The following TMED5 variants were observed in gnomAD, a reference collection of about 807,000 sequenced individuals.
TMED5 encodes the protein transmembrane emp24 domain-containing protein 5.
TMED5 carries 27 observed loss-of-function variants against 23.0 expected under a neutral mutation model. That is an observed-to-expected ratio of 1.17 (90% CI 0.86 to 1.62). The LOEUF (loss-of-function observed/expected upper bound fraction) is 1.62. TMED5 is among the 40% of genes most tolerant of loss of function. The pLI, the probability that TMED5 is intolerant of heterozygous loss-of-function variation, is 0.00. For missense variants in TMED5, 248 were observed against 273.7 expected (o/e 0.91, Z 0.66); for synonymous variants, 97 against 100.8 (o/e 0.96, Z 0.23).
At chr1:93,155,095 C>T (rs2101122933) in intron 3 of TMED5, among the ~76,000 whole-genome samples, 1 of 152,108 alleles carries the variant, frequency 6.6e-6, no homozygotes, top group Admixed American at 6.5e-5. Context: ...GGTATGGTAG[C>T]ACCAAGTGTG....
At chr1:93,169,390 A>C (rs1197994046) in intron 1 of TMED5, among the ~76,000 whole-genome samples, 1 of 152,186 alleles carries the variant, frequency 6.6e-6, no homozygotes, top group Non-Finnish European at 1.5e-5. Flanking sequence ...CCTAACAAAA[A>C]TTTGTGGGAT....
At chr1:93,157,854 G>A (rs1456182925) in intron 2 of TMED5, among the ~76,000 whole-genome samples, 1 of 152,234 alleles carries the variant, frequency 6.6e-6, no homozygotes, top group African/African-American at 2.4e-5. Context: ...GCCGGGCACA[G>A]TGGCTCACGC....
intron 2 of TMED5, among the ~76,000 whole-genome samples, chr1:93,158,138 A>AG (rs1471989382): frequency 6.6e-6 from 1 of 152,010 alleles, no homozygotes; most frequent in Non-Finnish European, 1.5e-5. Context: ...AAAAAAAAAA[A>AG]AAAAAAATTT....
At position 93,156,301 on chromosome 1, in the gene TMED5, A is replaced by C. The variant is rs1648072113; in HGVS notation, c.470T>G (p.Leu157Arg). Residue 157 changes from leucine (L) to arginine (R), a missense_variant and splice_region_variant, in exon 3 of 4, where the codon CTG becomes CGG. Leu to Arg is a moderately radical substitution (Grantham distance 102). Transcript: ENST00000370282. ...DILDMKLEDI[L>R]ESINSIKSRL... ...ATTTTATTAGAAGACCATACTGACC[A>C]GGATGTCTTCCAGTTTCATATCCAA... 3 of 1,612,366 alleles carry C rather than the reference A, an allele frequency of 1.9e-6. No homozygotes were observed. Among genetic ancestry groups the C allele is most frequent in the Non-Finnish European group, 2.5e-6 (3 of 1,178,666 alleles).
Position 93,166,856 on chromosome 1 carries a change from G to A in TMED5, c.190-6630C>T, listed in dbSNP as rs1648526409. On this transcript the variant is annotated intron_variant, in intron 1 of 3. Transcript: ENST00000370282. ...TTTGCCCAGACCAATGTCCTGGAGA[G>A]TTATCCTAATGTTTTCTGGTAGTAG... is the stretch of plus-strand genomic sequence containing the variant. Among the ~76,000 whole-genome samples the A allele has an allele frequency of 2.0e-5, 3 of 152,244 alleles. No homozygotes were observed. In the South Asian group the frequency reaches 6.2e-4, roughly 32 times the overall value.
At chr1:93,154,912 A>G (rs777974649) in intron 3 of TMED5, 24 bp from the exon 4 acceptor site, 1 of 1,480,216 alleles carries the variant, frequency 6.8e-7, no homozygotes, top group South Asian at 1.2e-5. Flanking sequence ...AAATAATTTT[A>G]TTATTAAAGA....
Position 93,157,997 on chromosome 1 carries a change from G to A in TMED5, c.288-1514C>T, listed in dbSNP as rs373414631. Among the ~76,000 whole-genome samples, 30 of 151,990 alleles carry A rather than the reference G, an allele frequency of 2.0e-4. No homozygotes were observed. In the East Asian group the frequency reaches 3.5e-3, roughly 18 times the overall value. On this transcript the variant is annotated intron_variant, in intron 2 of 3. Coordinates refer to ENST00000370282, the MANE Select transcript of TMED5 (RefSeq NM_016040.5). ...AAATTAGCCGGGCGTGGTGGCGGGC[G>A]CCTGTAGTCCCAGCTACTCAGGAGG...
intron 1 of TMED5, among the ~76,000 whole-genome samples, chr1:93,167,680 TAA>T (rs1648557159): frequency 6.6e-6 from 1 of 152,186 alleles, no homozygotes. Context: ...TTTCCAAATA[TAA>T]GATATATCAT....
At chr1:93,179,869 G>T (rs937729526) in intron 1 of TMED5, 185 bp downstream of exon 1, 13 of 572,422 alleles carry the variant, frequency 2.3e-5, no homozygotes, top group Non-Finnish European at 3.9e-5. Context: ...CCTAAGTTCT[G>T]GGTCCCCGGC....
At chr1:93,170,876 G>A (rs926147931) in intron 1 of TMED5, among the ~76,000 whole-genome samples, 1 of 152,192 alleles carries the variant, frequency 6.6e-6, no homozygotes, top group Non-Finnish European at 1.5e-5. Context: ...TCAGCACCCT[G>A]TCAAAACAGA....
intron 2 of TMED5, among the ~76,000 whole-genome samples, chr1:93,156,807 CAAAAAAAAAAA>C (rs10572798): frequency 2.2e-5 from 2 of 90,480 alleles, no homozygotes; most frequent in South Asian, 4.1e-4. Flanking sequence ...GATCCTGTCT[CAAAAAAAAAAA>C]AAAAAAAAAA....
At chr1:93,168,780 A>G (rs893826961) in intron 1 of TMED5, among the ~76,000 whole-genome samples, 4 of 152,192 alleles carry the variant, frequency 2.6e-5, no homozygotes, top group Non-Finnish European at 4.4e-5. Context: ...GGTTGCAGTG[A>G]GCTGAGATGG....
At position 93,156,443 on chromosome 1, in the gene TMED5, T is replaced by C. The variant is rs1277244324; in HGVS notation, c.328A>G (p.Asn110Asp). Residue 110 changes from asparagine to aspartate, a missense_variant, in exon 3 of 4, where the codon AAT becomes GAT. Physicochemically the swap from Asn to Asp is conservative, Grantham distance 23 (BLOSUM62 1). Transcript: ENST00000370282. ...TTCTCAGAAATGGTGCTGAATGTAT[T>C]GTCAAAGCAGAACATGTAATCACCA... is the stretch of plus-strand genomic sequence containing the variant. The part of the protein sequence containing the change: ...EVGDYMFCFD[N>D]TFSTISEKVI... 1.9e-6 allele frequency: 3 copies of C among 1,613,830 alleles called. No individual in the cohort carries two copies. Among genetic ancestry groups the C allele is most frequent in the African/African-American group, 2.7e-5 (2 of 74,910 alleles).
At chr1:93,163,088 A>C (rs1030657829) in intron 1 of TMED5, 4 of 152,126 alleles carry the variant, frequency 2.6e-5, no homozygotes, top group African/African-American at 9.7e-5. Flanking sequence ...TCTAAAATAA[A>C]ATTTTAAAAT....
rs534368003 is a variant in TMED5, at chr1:93,177,985, GA to G, written c.189+2068del. On this transcript the variant is annotated intron_variant, in intron 1 of 3. Transcript: ENST00000370282. ...CCCTAATATGTGTGTAAATACTGAAGATTTTTTTATTAATACAAATTGTTTT... is the reference window on the plus strand; with the variant it reads ...CCCTAATATGTGTGTAAATACTGAAGTTTTTTTATTAATACAAATTGTTTT... Among the ~76,000 whole-genome samples the G allele has an allele frequency of 2.6e-5, 4 of 152,220 alleles. No homozygotes were observed. In the East Asian group the frequency reaches 5.8e-4, roughly 22 times the overall value.
Position 93,150,150 on chromosome 1 carries a change from C to A in TMED5, c.*4520G>T, listed in dbSNP as rs912935062. The stretch of plus-strand genomic sequence containing the variant: ...TCCCTTCAGTCCCAAGACCTGGCAA[C>A]CACGAATCTTGTTTCCCATCTCTAT... On this transcript the variant is annotated 3_prime_UTR_variant, in exon 4 of 4. Transcript: ENST00000370282. 6 of 152,200 alleles carry A rather than the reference C, an allele frequency of 3.9e-5. No homozygotes were observed. Among genetic ancestry groups the A allele is most frequent in the Non-Finnish European group, 8.8e-5 (6 of 68,032 alleles). 9.4% of individuals were successfully genotyped at this position (152,200 alleles called of 1,614,324 possible). A position where few individuals can be genotyped will look rare whatever the true frequency, so the allele number is the denominator to read the frequency against.
At chr1:93,160,065 A>G (rs1395948793) in intron 2 of TMED5, 64 bp downstream of exon 2, 3 of 939,814 alleles carry the variant, frequency 3.2e-6, no homozygotes, top group East Asian at 2.5e-5. Context: ...CTAACTTTCC[A>G]TGCCCTGCAG....
At chr1:93,169,882 T>TAACACAC (rs1553159702) in intron 1 of TMED5, among the ~76,000 whole-genome samples, 2 of 130,602 alleles carry the variant, frequency 1.5e-5, no homozygotes, top group Middle Eastern at 3.7e-3. Context: ...ACCCTGTCTG[T>TAACACAC]ACACACACAC....
chr1:93,177,584 CAAAAAAAAAAAAAAAA>C (rs11322215), intron 1 of TMED5, among the ~76,000 whole-genome samples: 1 of 44,406 alleles, frequency 2.3e-5, no homozygotes, highest in Non-Finnish European at 3.5e-5. Context: ...GACTCTGTCT[CAAAAAAAAAAAAAAAA>C]AAAAAAAAAA....
Sources: allele counts gnomAD v4.1 joint callset (sites outside exome capture counted in the v4.1 genomes callset), GRCh38; gene constraint gnomAD v4.1.1; transcripts MANE v1.5; gene names NCBI Gene and HGNC (gene_info 2026-07-23, HGNC 2026-07-21).